The following PDE8B variants were observed in gnomAD, a reference collection of about 807,000 sequenced individuals.
The protein encoded by PDE8B is phosphodiesterase 8B, also known as high affinity cAMP-specific and IBMX-insensitive 3',5'-cyclic phosphodiesterase 8B.
Under a neutral mutation model 101.3 loss-of-function variants are expected in PDE8B, and 26 were observed. The ratio of observed to expected loss-of-function variants is 0.26; its 90% confidence interval spans 0.19 to 0.36. The LOEUF is 0.36. Ranked by LOEUF, PDE8B falls within the 10% of genes least tolerant of loss-of-function variation. The probability of loss-of-function intolerance (pLI) is 1.00; values close to 1 mark genes in which losing one functional copy is unlikely to be tolerated. For synonymous variants in PDE8B, 424 were observed against 429.3 expected (o/e 0.99, Z 0.15); for missense variants, 810 against 1,163.1 (o/e 0.70, Z 4.42).
chr5:77,244,830 T>C (rs1465007502), intron 1 of PDE8B, among the ~76,000 whole-genome samples: 1 of 152,136 alleles, frequency 6.6e-6, no homozygotes, highest in Non-Finnish European at 1.5e-5. Context: ...GGGGCCATCC[T>C]CTTGACCACT....
intron 2 of PDE8B, among the ~76,000 whole-genome samples, chr5:77,323,287 A>C (rs1243522655): frequency 2.0e-5 from 3 of 152,128 alleles, no homozygotes; most frequent in African/African-American, 7.2e-5. Flanking sequence ...CCTGGAAGGA[A>C]CTCTGTGGCT....
intron 1 of PDE8B, among the ~76,000 whole-genome samples, chr5:77,250,362 C>T (rs886607780): frequency 2.0e-5 from 3 of 152,178 alleles, no homozygotes; most frequent in African/African-American, 7.2e-5. Flanking sequence ...CCAGTTACTC[C>T]CTTCCCATTC....
At chr5:77,299,694 C>T (rs1037094379) in intron 1 of PDE8B, among the ~76,000 whole-genome samples, 3 of 151,938 alleles carry the variant, frequency 2.0e-5, no homozygotes, top group African/African-American at 7.3e-5. Context: ...TGGGTTGGTT[C>T]CAAGTCTTTG....
At chr5:77,296,980 T>C (rs991752878) in intron 1 of PDE8B, among the ~76,000 whole-genome samples, 1 of 152,172 alleles carries the variant, frequency 6.6e-6, no homozygotes, top group East Asian at 1.9e-4. Context: ...CTCCCTGAGC[T>C]TCATACTTAC....
chr5:77,411,475 G>C (rs142748441), intron 14 of PDE8B, among the ~76,000 whole-genome samples: 1 of 152,134 alleles, frequency 6.6e-6, no homozygotes, highest in African/African-American at 2.4e-5. Flanking sequence ...AGTTCTCCAC[G>C]TTCTGGGGCT....
intron 1 of PDE8B, among the ~76,000 whole-genome samples, chr5:77,260,107 A>AT (rs571749239): frequency 1.5e-4 from 23 of 150,628 alleles, no homozygotes; most frequent in Non-Finnish European, 3.2e-4. Context: ...CAGTGAGCAA[A>AT]CATCACGCCA....
At chr5:77,404,321 C>T (rs1792955597) in intron 11 of PDE8B, among the ~76,000 whole-genome samples, 1 of 151,910 alleles carries the variant, frequency 6.6e-6, no homozygotes, top group African/African-American at 2.4e-5. Context: ...GACAGGGTTT[C>T]TCCATGTTGG....
At chr5:77,376,110 TGGAGCATTCCCA>T (rs1430595041) in intron 10 of PDE8B, among the ~76,000 whole-genome samples, 1 of 152,138 alleles carries the variant, frequency 6.6e-6, no homozygotes, top group Non-Finnish European at 1.5e-5. Flanking sequence ...TCATTTCTAG[TGGAGCATTCCCA>T]GGCCAAATTA....
chr5:77,289,943 A>G (rs1401405833), intron 1 of PDE8B, among the ~76,000 whole-genome samples: 1 of 152,254 alleles, frequency 6.6e-6, no homozygotes, highest in Non-Finnish European at 1.5e-5. Flanking sequence ...TAAGTTAGAT[A>G]ACAAATGTAA....
At chr5:77,182,250 G>C in the PDE8B span, among the ~76,000 whole-genome samples, 4 of 151,700 alleles carry the variant, frequency 2.6e-5, no homozygotes, top group African/African-American at 7.3e-5. Context: ...ATTGTACTTG[G>C]TTCCAAAGAG....
At chr5:77,424,759 A>G (rs936754515) in intron 20 of PDE8B, among the ~76,000 whole-genome samples, 3 of 152,152 alleles carry the variant, frequency 2.0e-5, no homozygotes, top group South Asian at 2.1e-4. Context: ...ATTTAATACA[A>G]TTAATAACTC....
intron 2 of PDE8B, among the ~76,000 whole-genome samples, chr5:77,313,001 A>G (rs796414973): frequency 7.2e-5 from 11 of 152,346 alleles, no homozygotes; most frequent in African/African-American, 2.6e-4. Context: ...ACATGTATGA[A>G]GAGGGAGTTT....
At chr5:77,380,028 A>G (rs1787151942) in intron 10 of PDE8B, among the ~76,000 whole-genome samples, 1 of 152,222 alleles carries the variant, frequency 6.6e-6, no homozygotes, top group African/African-American at 2.4e-5. Context: ...AAAAGTGCTT[A>G]ATAAGTCAAC....
intron 10 of PDE8B, among the ~76,000 whole-genome samples, chr5:77,366,614 C>T (rs1458901285): frequency 6.6e-6 from 1 of 152,134 alleles, no homozygotes. Flanking sequence ...GGGGAACTCA[C>T]TGCTGTGGAA....
intron 1 of PDE8B, among the ~76,000 whole-genome samples, chr5:77,253,804 G>A (rs991781772): frequency 2.6e-5 from 4 of 152,084 alleles, no homozygotes; most frequent in African/African-American, 9.7e-5. Context: ...ATGCATTACA[G>A]AAAATGTTTT....
At chr5:77,305,335 A>C (rs938966325) in intron 1 of PDE8B, among the ~76,000 whole-genome samples, 1 of 152,230 alleles carries the variant, frequency 6.6e-6, no homozygotes, top group Non-Finnish European at 1.5e-5. Flanking sequence ...TGGGCTGCCC[A>C]GTGAGCTCTT....
intron 7 of PDE8B, among the ~76,000 whole-genome samples, chr5:77,345,820 G>A (rs369747390): frequency 1.5e-4 from 23 of 152,166 alleles, no homozygotes; most frequent in African/African-American, 5.6e-4. Flanking sequence ...CTTATCAGTA[G>A]GGCACCAAAG....
At chr5:77,134,779 G>A in the PDE8B span, among the ~76,000 whole-genome samples, 1 of 152,172 alleles carries the variant, frequency 6.6e-6, no homozygotes, top group South Asian at 2.1e-4. Flanking sequence ...GCAGGTAGGA[G>A]AAGATGACTA....
chr5:77,157,808 C>T, the PDE8B span, among the ~76,000 whole-genome samples: 1 of 152,236 alleles, frequency 6.6e-6, no homozygotes, highest in African/African-American at 2.4e-5. Flanking sequence ...CCTAAGGTCA[C>T]CAGGTTTCTG....
Sources: allele counts gnomAD v4.1 joint callset (sites outside exome capture counted in the v4.1 genomes callset), GRCh38; gene constraint gnomAD v4.1.1; transcripts MANE v1.5; gene names NCBI Gene and HGNC (gene_info 2026-07-23, HGNC 2026-07-21).